The following SLC35D4 variants were observed in gnomAD, a reference collection of about 807,000 sequenced individuals.
SLC35D4 encodes UDP-N-acetylglucosamine transporter SLC35D4.
At chr18:23,370,659 A>G in the SLC35D4 span, among the ~76,000 whole-genome samples, 1 of 152,256 alleles carries the variant, frequency 6.6e-6, no homozygotes, top group Admixed American at 6.5e-5. Flanking sequence ...CCCCAGGACT[A>G]CAGACAAGCA....
the SLC35D4 span, among the ~76,000 whole-genome samples, chr18:23,254,893 C>T: frequency 1.3e-5 from 2 of 152,170 alleles, no homozygotes; most frequent in Non-Finnish European, 2.9e-5. Context: ...AAACATTCAG[C>T]CCATAACAAG....
At chr18:23,339,834 C>T in the SLC35D4 span, among the ~76,000 whole-genome samples, 1 of 152,264 alleles carries the variant, frequency 6.6e-6, no homozygotes. Context: ...GACACTAATG[C>T]CCTTCATGAG....
the SLC35D4 span, among the ~76,000 whole-genome samples, chr18:23,410,203 G>T: frequency 9.9e-5 from 15 of 152,280 alleles, no homozygotes; most frequent in African/African-American, 3.4e-4. Context: ...GCATTAGGCC[G>T]GGCGCGGTGG....
the SLC35D4 span, among the ~76,000 whole-genome samples, chr18:23,378,199 C>A: frequency 7.0e-6 from 1 of 142,000 alleles, no homozygotes; most frequent in African/African-American, 2.6e-5. Flanking sequence ...TTCTTTCTTT[C>A]TTTTTTTTTT....
the SLC35D4 span, among the ~76,000 whole-genome samples, chr18:23,262,595 G>A: frequency 6.6e-6 from 1 of 152,246 alleles, no homozygotes; most frequent in Non-Finnish European, 1.5e-5. Flanking sequence ...CCTGCTGGGG[G>A]CAGGTGCAAG....
At chr18:23,334,258 A>G in the SLC35D4 span, among the ~76,000 whole-genome samples, 2 of 152,178 alleles carry the variant, frequency 1.3e-5, no homozygotes, top group South Asian at 4.1e-4. Flanking sequence ...TGAGGCAGGA[A>G]AGAAATAAGA....
the SLC35D4 span, among the ~76,000 whole-genome samples, chr18:23,273,442 G>C: frequency 6.3e-5 from 9 of 142,814 alleles, 1 homozygote; most frequent in Admixed American, 6.0e-4. Context: ...GGTGAGAGAA[G>C]GGCAAAAAGA....
At chr18:23,432,606 G>A in the SLC35D4 span, among the ~76,000 whole-genome samples, 22 of 151,496 alleles carry the variant, frequency 1.5e-4, 1 homozygote, top group Admixed American at 1.3e-4. Context: ...ACTTGAACCC[G>A]GGAGGTGGAG....
At chr18:23,370,395 G>A in the SLC35D4 span, 2 of 755,674 alleles carry the variant, frequency 2.6e-6, no homozygotes, top group East Asian at 2.6e-5. Context: ...CCCTACGAGT[G>A]TCACACCCAG....
the SLC35D4 span, among the ~76,000 whole-genome samples, chr18:23,280,214 G>A: frequency 9.9e-5 from 15 of 152,254 alleles, no homozygotes; most frequent in East Asian, 1.9e-4. Flanking sequence ...GCGTGTGTGC[G>A]CGCAGCCGAC....
chr18:23,352,320 AG>A, the SLC35D4 span: 1 of 1,580,594 alleles, frequency 6.3e-7, no homozygotes, highest in Admixed American at 1.8e-5. Context: ...CTTGTTAGTG[AG>A]GCTTGTCTTC....
At chr18:23,255,625 TCATAGCTCA>T in the SLC35D4 span, among the ~76,000 whole-genome samples, 1 of 148,432 alleles carries the variant, frequency 6.7e-6, no homozygotes, top group Non-Finnish European at 1.5e-5. Context: ...AGTGGCACAA[TCATAGCTCA>T]CTGCAGCCTC....
At chr18:23,385,271 G>A in the SLC35D4 span, among the ~76,000 whole-genome samples, 5 of 152,114 alleles carry the variant, frequency 3.3e-5, no homozygotes, top group East Asian at 1.9e-4. Context: ...CCCCTCCTAC[G>A]GGCATTCTCA....
At chr18:23,281,190 TTAGA>T in the SLC35D4 span, among the ~76,000 whole-genome samples, 3 of 152,124 alleles carry the variant, frequency 2.0e-5, no homozygotes, top group Non-Finnish European at 4.4e-5. Flanking sequence ...TGTTCTACAA[TTAGA>T]TAGTGATAAC....
chr18:23,243,597 C>T, the SLC35D4 span, among the ~76,000 whole-genome samples: 1 of 151,294 alleles, frequency 6.6e-6, no homozygotes, highest in Non-Finnish European at 1.5e-5. Context: ...CTAACACAGG[C>T]CTCGGTGGCT....
the SLC35D4 span, among the ~76,000 whole-genome samples, chr18:23,254,676 C>A: frequency 6.6e-6 from 1 of 152,156 alleles, no homozygotes; most frequent in Non-Finnish European, 1.5e-5. Flanking sequence ...TGGTGAGGTT[C>A]CTCTCCTTGC....
At chr18:23,309,681 A>G in the SLC35D4 span, 3 of 1,613,894 alleles carry the variant, frequency 1.9e-6, no homozygotes, top group East Asian at 6.7e-5. Context: ...AAGACTTACC[A>G]TCCCGTGGTT....
At chr18:23,375,961 G>A in the SLC35D4 span, among the ~76,000 whole-genome samples, 5 of 152,104 alleles carry the variant, frequency 3.3e-5, no homozygotes, top group African/African-American at 1.2e-4. Context: ...CTAAAAGAAG[G>A]CGCCAGAAAG....
At chr18:23,244,746 G>A in the SLC35D4 span, among the ~76,000 whole-genome samples, 12 of 152,292 alleles carry the variant, frequency 7.9e-5, no homozygotes, top group East Asian at 1.9e-4. Flanking sequence ...TTTCACAGGC[G>A]TGGTGTGGAA....
Sources: allele counts gnomAD v4.1 joint callset (sites outside exome capture counted in the v4.1 genomes callset), GRCh38; gene constraint gnomAD v4.1.1; transcripts MANE v1.5; gene names NCBI Gene and HGNC (gene_info 2026-07-23, HGNC 2026-07-21).